The following MTMR1 variants were observed in gnomAD, a reference collection of about 807,000 sequenced individuals.
The protein encoded by MTMR1 is myotubularin related protein 1, also known as phosphatidylinositol-3-phosphate phosphatase MTMR1.
Under a neutral mutation model 51.6 loss-of-function variants are expected in MTMR1, and 17 were observed. That is an observed-to-expected ratio of 0.33 (90% CI 0.23 to 0.49). The LOEUF is 0.49. MTMR1 is among the 20% of genes least tolerant of loss of function. MTMR1 has a pLI of 0.99. For synonymous variants in MTMR1, 201 were observed against 205.6 expected, an observed-to-expected ratio of 0.98 and a Z score of 0.19; for missense variants, 386 against 526.9, an observed-to-expected ratio of 0.73 and a Z score of 2.62.
At chrX:150,707,878 C>T (rs1557416106) in intron 2 of MTMR1, among the ~76,000 whole-genome samples, 2 of 112,192 alleles carry the variant, frequency 1.8e-5, no homozygotes, top group Non-Finnish European at 3.8e-5. Context: ...ATGCTATGGA[C>T]TATATTACTC....
intron 2 of MTMR1, among the ~76,000 whole-genome samples, chrX:150,706,129 C>T (rs1373173525): frequency 9.0e-6 from 1 of 111,276 alleles, no homozygotes; most frequent in Non-Finnish European, 1.9e-5. Context: ...CAGGAGACAT[C>T]ACATGGCAAG....
At chrX:150,745,082 T>C (rs1487418511) in intron 13 of MTMR1, among the ~76,000 whole-genome samples, 1 of 112,707 alleles carries the variant, frequency 8.9e-6, no homozygotes, top group Non-Finnish European at 1.9e-5. Flanking sequence ...AAGTAGGCCA[T>C]AAGGCCATAG....
chrX:150,710,742 A>G (rs1328227526), intron 2 of MTMR1, among the ~76,000 whole-genome samples: 3 of 112,834 alleles, frequency 2.7e-5, no homozygotes, highest in Non-Finnish European at 3.7e-5. Flanking sequence ...AAACATAAAA[A>G]TCATGAGTGT....
intron 13 of MTMR1, 81 bp downstream of exon 13, chrX:150,744,534 C>T: frequency 1.3e-6 from 1 of 794,132 alleles, no homozygotes; most frequent in Non-Finnish European, 1.8e-6. Flanking sequence ...CTGTTTCATT[C>T]AAGATGAATT....
intron 4 of MTMR1, among the ~76,000 whole-genome samples, chrX:150,719,356 T>G (rs1189472422): frequency 8.9e-6 from 1 of 112,046 alleles, no homozygotes; most frequent in Non-Finnish European, 1.9e-5. Flanking sequence ...GCGCACTCAG[T>G]CTCAGAGTAT....
At chrX:150,730,666 A>G in intron 8 of MTMR1, 58 bp downstream of exon 8, 3 of 735,920 alleles carry the variant, frequency 4.1e-6, no homozygotes, top group Middle Eastern at 3.2e-4. Context: ...TTTCTCTTCT[A>G]AAAGGTTAGA....
intron 15 of MTMR1, among the ~76,000 whole-genome samples, chrX:150,759,491 G>A (rs1358623814): frequency 1.8e-5 from 2 of 108,886 alleles, no homozygotes; most frequent in African/African-American, 3.3e-5. Context: ...AGAGCCTCTC[G>A]ATTACTGCAG....
chrX:150,693,766 G>T, intron 1 of MTMR1, 90 bp downstream of exon 1: 3 of 622,021 alleles, frequency 4.8e-6, no homozygotes, highest in East Asian at 1.7e-4. Context: ...CGCGCGCTGC[G>T]CAGGGCCTGG....
At position 150,763,018 on chromosome X, in the gene MTMR1, C is replaced by T. The variant is rs782228160; in HGVS notation, c.*289C>T. 2 of 232,181 alleles carry T rather than the reference C, an allele frequency of 8.6e-6. No homozygotes were observed. The highest frequency in any genetic ancestry group is 1.5e-4 in the East Asian group (2 of 13,725). 19.1% of individuals were successfully genotyped at this position (232,181 alleles called of 1,213,427 possible). A position where few individuals can be genotyped will look rare whatever the true frequency, so the allele number is the denominator to read the frequency against. ...TACTGAGGTTCAAGAAAGCTGTACG[C>T]CATTTCTTTCCAACTTAAATCCTTC... is the stretch of plus-strand genomic sequence containing the variant. On this transcript the variant is annotated 3_prime_UTR_variant, in exon 16 of 16. Transcript: ENST00000445323.
chrX:150,721,574 T>C (rs1309744413), intron 4 of MTMR1, among the ~76,000 whole-genome samples: 3 of 111,834 alleles, frequency 2.7e-5, no homozygotes, highest in African/African-American at 9.7e-5. Context: ...AAGTCATTTG[T>C]CATATTTCCT....
At chrX:150,737,512 T>C in intron 12 of MTMR1, 64 bp downstream of exon 12, 1 of 976,176 alleles carries the variant, frequency 1.0e-6, no homozygotes, top group Non-Finnish European at 1.5e-6. Context: ...GTAAACGTCA[T>C]GTGTGACACA....
At chrX:150,716,157 T>G (rs2041505427) in intron 3 of MTMR1, among the ~76,000 whole-genome samples, 1 of 112,927 alleles carries the variant, frequency 8.9e-6, no homozygotes, top group South Asian at 3.6e-4. Flanking sequence ...TTTTAACATA[T>G]AAGAAACTTA....
chrX:150,759,934 C>G (rs940949660), intron 15 of MTMR1, among the ~76,000 whole-genome samples: 1 of 109,295 alleles, frequency 9.1e-6, no homozygotes, highest in Non-Finnish European at 1.9e-5. Flanking sequence ...AGGATGCCCC[C>G]GACAGGGCCA....
At chrX:150,707,039 C>T (rs782697056) in intron 2 of MTMR1, among the ~76,000 whole-genome samples, 1 of 108,652 alleles carries the variant, frequency 9.2e-6, no homozygotes, top group East Asian at 2.8e-4. Context: ...AGTAATTGGA[C>T]ATCTATAGAC....
chrX:150,757,918 T>C (rs2042951866), intron 15 of MTMR1, among the ~76,000 whole-genome samples: 1 of 110,737 alleles, frequency 9.0e-6, no homozygotes, highest in African/African-American at 3.3e-5. Context: ...CTGCTAATAA[T>C]CAGTCTGTAG....
Position 150,730,187 on chromosome X carries a change from G to A in MTMR1, c.634G>A (p.Ala212Thr). ...GATATTTGAAAACCTCAACAAACATGCATTTCCTCTTTCTAACGGACAGGT... is the reference window on the plus strand; with the variant it reads ...GATATTTGAAAACCTCAACAAACATACATTTCCTCTTTCTAACGGACAGGT... ...LGIFENLNKH[A>T]FPLSNGQALF... The change falls in exon 7 of 16, where the codon GCA becomes ACA. Residue 212 changes from alanine (A) to threonine (T), a missense_variant. Physicochemically the swap from Ala to Thr is moderately conservative, Grantham distance 58. Coordinates refer to ENST00000445323, the MANE Select transcript of MTMR1 (RefSeq NM_001306144.3). 8.3e-7 allele frequency: 1 copy of A among 1,200,249 alleles called. No individual in the cohort carries two copies. Among genetic ancestry groups the A allele is most frequent in the Non-Finnish European group, 1.1e-6 (1 of 888,732 alleles).
At chrX:150,725,538 ATTGT>A (rs1358310084) in intron 4 of MTMR1, among the ~76,000 whole-genome samples, 4 of 111,610 alleles carry the variant, frequency 3.6e-5, no homozygotes, top group East Asian at 5.6e-4. Flanking sequence ...ATTAGCTATA[ATTGT>A]TTGTTTTGTT....
intron 2 of MTMR1, among the ~76,000 whole-genome samples, chrX:150,700,343 A>G (rs1318413729): frequency 8.9e-6 from 1 of 112,271 alleles, no homozygotes; most frequent in Non-Finnish European, 1.9e-5. Flanking sequence ...TCAGGAGGCC[A>G]ATTAATTGAG....
At chrX:150,757,970 G>A (rs938810376) in intron 15 of MTMR1, among the ~76,000 whole-genome samples, 2 of 111,193 alleles carry the variant, frequency 1.8e-5, no homozygotes, top group Non-Finnish European at 3.8e-5. Context: ...CTGTTTGCCT[G>A]CCTGCTGCCC....
Sources: allele counts gnomAD v4.1 joint callset (sites outside exome capture counted in the v4.1 genomes callset), GRCh38; gene constraint gnomAD v4.1.1; transcripts MANE v1.5; gene names NCBI Gene and HGNC (gene_info 2026-07-23, HGNC 2026-07-21).